The following SDK1 variants were observed in gnomAD, a reference collection of about 807,000 sequenced individuals.
SDK1 encodes sidekick cell adhesion molecule 1.
In SDK1, 157 loss-of-function variants were observed where a neutral mutation model predicts 245.5. The observed-to-expected ratio is 0.64, with a 90% CI of 0.56 to 0.73. The LOEUF (loss-of-function observed/expected upper bound fraction) is 0.73. Ranked by LOEUF, SDK1 falls within the 30% of genes least tolerant of loss-of-function variation. The pLI, the probability that SDK1 is intolerant of heterozygous loss-of-function variation, is 0.00. For synonymous variants in SDK1, 1,647 were observed against 1,278.5 expected, an observed-to-expected ratio of 1.29 and a Z score of -6.15; for missense variants, 3,583 against 3,002.3, an observed-to-expected ratio of 1.19 and a Z score of -4.52.
intron 1 of SDK1, among the ~76,000 whole-genome samples, chr7:3,379,463 G>C (rs911526894): frequency 1.3e-5 from 2 of 152,122 alleles, no homozygotes; most frequent in Non-Finnish European, 2.9e-5. Context: ...CCGGGAATGG[G>C]GATAAGAGTG....
chr7:3,842,617 T>A (rs1282908643), intron 5 of SDK1, among the ~76,000 whole-genome samples: 1 of 152,162 alleles, frequency 6.6e-6, no homozygotes, highest in African/African-American at 2.4e-5. Context: ...CACACTGGTA[T>A]ACTGTCAGTG....
At chr7:4,125,189 TGATGGATGGATG>T (rs139127658) in intron 25 of SDK1, among the ~76,000 whole-genome samples, 36 of 127,702 alleles carry the variant, frequency 2.8e-4, no homozygotes, top group Non-Finnish European at 4.8e-4. Context: ...GATGGATGGG[TGATGGATGGATG>T]GATGGATGGA....
chr7:3,644,785 A>C (rs955395027), intron 4 of SDK1, among the ~76,000 whole-genome samples: 7 of 141,562 alleles, frequency 4.9e-5, no homozygotes, highest in Non-Finnish European at 1.1e-4. Flanking sequence ...AAAAAAAAAA[A>C]AAAAAAACAA....
At chr7:4,057,842 C>T (rs755145544) in intron 19 of SDK1, among the ~76,000 whole-genome samples, 5 of 152,216 alleles carry the variant, frequency 3.3e-5, no homozygotes, top group African/African-American at 7.2e-5. Context: ...ACTACTGCTT[C>T]ATCCAGAATC....
intron 30 of SDK1, among the ~76,000 whole-genome samples, chr7:4,153,075 C>T (rs910548228): frequency 8.6e-5 from 13 of 152,032 alleles, no homozygotes; most frequent in African/African-American, 3.1e-4. Flanking sequence ...GGTGGCTGTG[C>T]ATCTGGCTGT....
At chr7:3,977,472 C>T (rs908452565) in intron 13 of SDK1, among the ~76,000 whole-genome samples, 2 of 152,226 alleles carry the variant, frequency 1.3e-5, no homozygotes, top group Non-Finnish European at 2.9e-5. Flanking sequence ...GCCAGGTTTC[C>T]CCCAGCCCCT....
intron 17 of SDK1, among the ~76,000 whole-genome samples, chr7:4,030,692 T>C (rs1787743402): frequency 6.6e-6 from 1 of 152,214 alleles, no homozygotes; most frequent in Non-Finnish European, 1.5e-5. Context: ...AACAAAACCA[T>C]GATGCTGAAT....
intron 4 of SDK1, among the ~76,000 whole-genome samples, chr7:3,818,977 G>A (rs1022748296): frequency 6.6e-6 from 1 of 152,202 alleles, no homozygotes; most frequent in African/African-American, 2.4e-5. Context: ...TAAGAAAGAA[G>A]ACAGGATGGG....
Position 3,304,368 on chromosome 7 carries a change from T to C in SDK1, c.298+2484T>C, listed in dbSNP as rs115212931. Among the ~76,000 whole-genome samples, 1,331 of 152,350 alleles carry C rather than the reference T, an allele frequency of 8.7e-3. 27 individuals carry two copies. Among genetic ancestry groups the C allele is most frequent in the African/African-American group, 0.031 (1,280 of 41,574 alleles). On this transcript the variant is annotated intron_variant, in intron 1 of 44. Coordinates refer to ENST00000404826, the MANE Select transcript of SDK1 (RefSeq NM_152744.4). ...GCCAGCTGTGAGTGGTTTGGAAGGATGACTTCTGAGGCTAAAGATGTATAA... is the reference window on the plus strand; with the variant it reads ...GCCAGCTGTGAGTGGTTTGGAAGGACGACTTCTGAGGCTAAAGATGTATAA...
At chr7:4,006,478 C>T (rs181080357) in intron 14 of SDK1, among the ~76,000 whole-genome samples, 33 of 152,288 alleles carry the variant, frequency 2.2e-4, no homozygotes, top group Non-Finnish European at 4.3e-4. Context: ...CGGCTGGGGG[C>T]GGACCCTTTT....
intron 1 of SDK1, among the ~76,000 whole-genome samples, chr7:3,562,004 AGCAT>A (rs1334572082): frequency 7.9e-5 from 12 of 152,266 alleles, no homozygotes; most frequent in Admixed American, 7.2e-4. Flanking sequence ...AGAGGAAATA[AGCAT>A]TCATAAATAT....
At chr7:3,876,282 T>C (rs1163339475) in intron 5 of SDK1, among the ~76,000 whole-genome samples, 1 of 152,216 alleles carries the variant, frequency 6.6e-6, no homozygotes. Flanking sequence ...TGGGCAGCAT[T>C]TTCCCCAGTC....
intron 38 of SDK1, among the ~76,000 whole-genome samples, chr7:4,219,662 A>G (rs1785025034): frequency 6.6e-6 from 1 of 151,744 alleles, no homozygotes; most frequent in Non-Finnish European, 1.5e-5. Context: ...AAACCCTATC[A>G]CTCCCCTCCC....
At chr7:3,806,893 A>C (rs1025179587) in intron 4 of SDK1, among the ~76,000 whole-genome samples, 1 of 151,978 alleles carries the variant, frequency 6.6e-6, no homozygotes, top group Non-Finnish European at 1.5e-5. Context: ...TAAGAGTGAT[A>C]TTACCTAAAT....
chr7:3,594,232 C>G (rs531688827), intron 1 of SDK1, among the ~76,000 whole-genome samples: 86 of 152,266 alleles, frequency 5.6e-4, no homozygotes, highest in African/African-American at 2.0e-3. Flanking sequence ...TGACTTGTTT[C>G]ACTCAACATA....
intron 4 of SDK1, among the ~76,000 whole-genome samples, chr7:3,681,120 G>T (rs992789259): frequency 6.6e-6 from 1 of 152,166 alleles, no homozygotes. Context: ...GGGATTACAG[G>T]CGTGAGCCAC....
At chr7:3,777,430 G>C (rs1038943181) in intron 4 of SDK1, among the ~76,000 whole-genome samples, 1 of 152,182 alleles carries the variant, frequency 6.6e-6, no homozygotes, top group African/African-American at 2.4e-5. Flanking sequence ...CGTCAGGGCC[G>C]GTAGGATGGT....
intron 1 of SDK1, chr7:3,338,245 G>T: frequency 6.0e-6 from 2 of 335,138 alleles, no homozygotes; most frequent in Non-Finnish European, 1.1e-5. Flanking sequence ...TGATATTGGA[G>T]ACATCAAGGG....
At chr7:3,655,048 G>A (rs1436069670) in intron 4 of SDK1, among the ~76,000 whole-genome samples, 1 of 79,416 alleles carries the variant, frequency 1.3e-5, no homozygotes, top group Admixed American at 1.4e-4. Context: ...ATCATAGCTT[G>A]CTTTTTTTTT....
Sources: gnomAD v4.1 joint callset for allele counts (sites outside exome capture counted in the v4.1 genomes callset) on GRCh38, gnomAD v4.1.1 for gene constraint, MANE v1.5 for transcripts, NCBI Gene and HGNC (gene_info 2026-07-23, HGNC 2026-07-21) for gene names.